AJAP1: variants seen among roughly 807,000 people sequenced by gnomAD.
The protein encoded by AJAP1 is adherens junctions associated protein 1, also known as adherens junction-associated protein 1.
In AJAP1, 5 loss-of-function variants were observed where a neutral mutation model predicts 35.0. The observed-to-expected ratio is 0.14, with a 90% CI of 0.07 to 0.30. AJAP1 has a LOEUF of 0.30. Ranked by LOEUF, AJAP1 falls within the 10% of genes least tolerant of loss-of-function variation. The probability of loss-of-function intolerance (pLI) is 1.00; values close to 1 mark genes in which losing one functional copy is unlikely to be tolerated. For synonymous variants in AJAP1, 284 were observed against 249.3 expected (o/e 1.14, Z -1.31); for missense variants, 586 against 571.0 (o/e 1.03, Z -0.27).
intron 2 of AJAP1, among the ~76,000 whole-genome samples, chr1:4,754,685 G>A (rs1641389579): frequency 2.0e-5 from 3 of 152,302 alleles, no homozygotes; most frequent in Admixed American, 1.3e-4. Context: ...GTTTGTTTTC[G>A]GTGACGGGGC....
chr1:4,701,929 C>T (rs944067827), intron 1 of AJAP1, among the ~76,000 whole-genome samples: 4 of 152,176 alleles, frequency 2.6e-5, no homozygotes, highest in Non-Finnish European at 5.9e-5. Context: ...TCCCTTTCCT[C>T]CCCCAACACC....
chr1:4,715,010 C>T (rs749532967), intron 2 of AJAP1, among the ~76,000 whole-genome samples: 2 of 152,100 alleles, frequency 1.3e-5, no homozygotes, highest in Non-Finnish European at 2.9e-5. Context: ...GCATAATCTC[C>T]TTATCTGAAG....
intron 1 of AJAP1, among the ~76,000 whole-genome samples, chr1:4,696,871 G>C (rs1387799410): frequency 1.3e-5 from 2 of 152,176 alleles, no homozygotes; most frequent in Non-Finnish European, 2.9e-5. Context: ...GTGTTTGTGT[G>C]TATGCACCTG....
rs1639049785 is a variant in AJAP1 at position 4,663,538 on chromosome 1, C to G, written c.29+8084C>G. On this transcript the variant is annotated intron_variant, in intron 1 of 5. Coordinates refer to ENST00000378191, the MANE Select transcript of AJAP1 (RefSeq NM_018836.4). ...CCATCCTGGGGTAGATGACAGCGAA[C>G]CCATGGCGCCCAGGCACCTCAAATG... Among the ~76,000 whole-genome samples, 3 of 152,168 alleles carry G rather than the reference C, an allele frequency of 2.0e-5. No individual in the cohort carries two copies. In the South Asian group the frequency reaches 6.2e-4, roughly 32 times the overall value.
chr1:4,728,419 T>G (rs939550396), intron 2 of AJAP1, among the ~76,000 whole-genome samples: 4 of 152,176 alleles, frequency 2.6e-5, no homozygotes, highest in Non-Finnish European at 4.4e-5. Context: ...GCACTCACAC[T>G]GCCACAGCCA....
chr1:4,753,931 A>G (rs1242880552), intron 2 of AJAP1, among the ~76,000 whole-genome samples: 1 of 152,122 alleles, frequency 6.6e-6, no homozygotes, highest in Non-Finnish European at 1.5e-5. Context: ...CTATGAGACT[A>G]TGTCTTTTGT....
intron 2 of AJAP1, among the ~76,000 whole-genome samples, chr1:4,730,212 T>C (rs1434963371): frequency 6.6e-6 from 1 of 152,200 alleles, no homozygotes; most frequent in Non-Finnish European, 1.5e-5. Flanking sequence ...TTATTTAACA[T>C]CCTATTAGAG....
intron 1 of AJAP1, among the ~76,000 whole-genome samples, chr1:4,671,439 T>A (rs1293271075): frequency 6.6e-6 from 1 of 150,722 alleles, no homozygotes; most frequent in Non-Finnish European, 1.5e-5. Context: ...GCATGTGCAC[T>A]GCATCCATTA....
chr1:4,763,743 C>A (rs2100350108), intron 2 of AJAP1, among the ~76,000 whole-genome samples: 1 of 150,944 alleles, frequency 6.6e-6, no homozygotes, highest in East Asian at 2.0e-4. Context: ...TTTCTCTACG[C>A]CCTTTCTCCC....
chr1:4,724,821 C>G (rs1468461464), intron 2 of AJAP1, among the ~76,000 whole-genome samples: 1 of 152,192 alleles, frequency 6.6e-6, no homozygotes, highest in Non-Finnish European at 1.5e-5. Flanking sequence ...CCATGCAGAT[C>G]TTGCAATCTT....
Position 4,782,967 on chromosome 1 carries a change from C to T in AJAP1, c.*482C>T, listed in dbSNP as rs1642094459. The T allele has an allele frequency of 2.5e-6, 1 of 397,520 alleles. No individual in the cohort carries two copies. Among genetic ancestry groups the T allele is most frequent in the Non-Finnish European group, 4.4e-6 (1 of 225,770 alleles). The allele number at this position is 397,520 out of a possible 1,614,324, so 24.6% of individuals were successfully genotyped here. On this transcript the variant is annotated 3_prime_UTR_variant, in exon 6 of 6. Transcript: ENST00000378191. This position sits in a 1 kb window ranked among gnomAD's most constrained non-coding sequence, Gnocchi z 5.3. ...TCACGCAGAGAAATCTTACAGAAAA[C>T]AGGGGTGGGAATCTCTTCCGATAGA...
chr1:4,665,162 C>T (rs895243666), intron 1 of AJAP1, among the ~76,000 whole-genome samples: 2 of 152,220 alleles, frequency 1.3e-5, no homozygotes, highest in Admixed American at 1.3e-4. Flanking sequence ...AAAAGCTGTG[C>T]TTCCTGCTGA....
At chr1:4,705,532 C>T (rs1046787498) in intron 1 of AJAP1, among the ~76,000 whole-genome samples, 7 of 149,634 alleles carry the variant, frequency 4.7e-5, no homozygotes, top group African/African-American at 1.5e-4. Context: ...CAGCACTGGG[C>T]AAACGTCCCT....
At chr1:4,695,475 C>T (rs113567234) in intron 1 of AJAP1, among the ~76,000 whole-genome samples, 3,533 of 152,236 alleles carry the variant, frequency 0.023, 134 homozygotes, top group African/African-American at 0.079. Flanking sequence ...CACAGTACCT[C>T]GAGCCATGAG....
At chr1:4,680,389 A>T (rs987951761) in intron 1 of AJAP1, among the ~76,000 whole-genome samples, 7 of 152,220 alleles carry the variant, frequency 4.6e-5, no homozygotes, top group African/African-American at 1.7e-4. Flanking sequence ...ATACATCTTC[A>T]AAGTCCCTAT....
intron 2 of AJAP1, among the ~76,000 whole-genome samples, chr1:4,749,490 T>C (rs1228853289): frequency 6.6e-6 from 1 of 152,190 alleles, no homozygotes; most frequent in Non-Finnish European, 1.5e-5. Context: ...TGTCATGCGC[T>C]TATATGCCTC....
intron 1 of AJAP1, among the ~76,000 whole-genome samples, chr1:4,672,036 C>T (rs974405690): frequency 1.2e-4 from 19 of 152,336 alleles, no homozygotes; most frequent in Admixed American, 6.5e-4. Flanking sequence ...GGCGCAGTCG[C>T]GTCTGAGACT....
At chr1:4,658,264 G>A (rs1638926794) in intron 1 of AJAP1, among the ~76,000 whole-genome samples, 1 of 152,122 alleles carries the variant, frequency 6.6e-6, no homozygotes, top group Non-Finnish European at 1.5e-5. Flanking sequence ...CTGTTCTCCC[G>A]CTCCAAGGTT....
chr1:4,760,409 G>A (rs907791948), intron 2 of AJAP1, among the ~76,000 whole-genome samples: 4 of 152,136 alleles, frequency 2.6e-5, no homozygotes, highest in Admixed American at 2.0e-4. Flanking sequence ...GTTCATGCAT[G>A]TGTTCATGCA....
Sources: allele counts gnomAD v4.1 joint callset (sites outside exome capture counted in the v4.1 genomes callset), GRCh38; gene constraint gnomAD v4.1.1; non-coding constraint Gnocchi (gnomAD v3.1); transcripts MANE v1.5; gene names NCBI Gene and HGNC (gene_info 2026-07-23, HGNC 2026-07-21).